ZNF782: variants seen among roughly 807,000 people sequenced by gnomAD.
The protein encoded by ZNF782 is zinc finger protein 782.
A neutral mutation model predicts 13.0 loss-of-function variants in ZNF782; 12 were observed. The observed-to-expected ratio is 0.92, with a 90% CI of 0.59 to 1.50. ZNF782 has a LOEUF of 1.50. Among genes scored for constraint, ZNF782 ranks in the 40% most tolerant of loss-of-function variants. The pLI is 0.00. For missense variants in ZNF782, 770 were observed against 822.9 expected, an observed-to-expected ratio of 0.94 and a Z score of 0.79; for synonymous variants, 284 against 283.0, an observed-to-expected ratio of 1.00 and a Z score of -0.04.
intron 4 of ZNF782, among the ~76,000 whole-genome samples, chr9:96,839,897 A>G (rs531075753): frequency 6.6e-6 from 1 of 152,300 alleles, no homozygotes; most frequent in East Asian, 1.9e-4. Flanking sequence ...GAAGTAACAC[A>G]CTTTTAGCCA....
intron 4 of ZNF782, 99 bp downstream of exon 4, chr9:96,844,791 G>T: frequency 6.5e-7 from 1 of 1,547,748 alleles, no homozygotes; most frequent in East Asian, 2.3e-5. Context: ...AACCAGAATT[G>T]CACTGTAGAG....
the ZNF782 span, chr9:96,910,072 C>T: frequency 1.7e-6 from 1 of 600,064 alleles, no homozygotes; most frequent in East Asian, 4.3e-5. Flanking sequence ...CGGCGTGCCC[C>T]ACCATGTCAG....
upstream of ZNF782, among the ~76,000 whole-genome samples, chr9:96,877,957 TAAAC>T (rs748917821): frequency 3.3e-5 from 5 of 149,790 alleles, no homozygotes; most frequent in Non-Finnish European, 5.9e-5. Context: ...AACAGTATAA[TAAAC>T]AGTCAACCCA....
chr9:96,857,620 C>G (rs1851659734), upstream of ZNF782, among the ~76,000 whole-genome samples: 1 of 152,190 alleles, frequency 6.6e-6, no homozygotes, highest in Non-Finnish European at 1.5e-5. Flanking sequence ...ATTTATCTTG[C>G]TGTGGAGCGA....
the ZNF782 span, among the ~76,000 whole-genome samples, chr9:96,927,229 G>C: frequency 6.6e-6 from 1 of 152,196 alleles, no homozygotes; most frequent in Non-Finnish European, 1.5e-5. Flanking sequence ...ACATGCGAGG[G>C]GATGCATGAG....
the ZNF782 span, among the ~76,000 whole-genome samples, chr9:96,899,230 G>T: frequency 6.6e-6 from 1 of 151,380 alleles, no homozygotes; most frequent in South Asian, 2.1e-4. Flanking sequence ...AAGCCTAGGT[G>T]ACAGAGTGAG....
At chr9:96,872,769 C>G (rs1461073492) in intron 1 of ZNF782, among the ~76,000 whole-genome samples, 1 of 152,180 alleles carries the variant, frequency 6.6e-6, no homozygotes, top group African/African-American at 2.4e-5. Context: ...AAATCACTCT[C>G]TGGCCACAAT....
intron 1 of ZNF782, among the ~76,000 whole-genome samples, chr9:96,869,193 T>C (rs1851795581): frequency 1.3e-5 from 2 of 152,100 alleles, no homozygotes; most frequent in South Asian, 4.1e-4. Context: ...CTTATTAACC[T>C]TTTTGGCATG....
At chr9:96,824,810 T>C (rs1850558793) in intron 5 of ZNF782, among the ~76,000 whole-genome samples, 1 of 149,144 alleles carries the variant, frequency 6.7e-6, no homozygotes, top group African/African-American at 2.5e-5. Context: ...TCACAACTGC[T>C]TCAAAGAGAA....
At chr9:96,830,281 TAAG>T (rs1330145806) in intron 4 of ZNF782, among the ~76,000 whole-genome samples, 1 of 152,134 alleles carries the variant, frequency 6.6e-6, no homozygotes, top group African/African-American at 2.4e-5. Context: ...CACCAGGCTG[TAAG>T]AAGGCTCCCT....
chr9:96,920,815 T>A, the ZNF782 span, among the ~76,000 whole-genome samples: 106 of 150,584 alleles, frequency 7.0e-4, 4 homozygotes, highest in Middle Eastern at 3.4e-3. Flanking sequence ...CTCAGGAGGC[T>A]GAGGGAGGAG....
chr9:96,870,689 A>G (rs1483618632), intron 1 of ZNF782, among the ~76,000 whole-genome samples: 3 of 152,230 alleles, frequency 2.0e-5, no homozygotes, highest in African/African-American at 7.2e-5. Flanking sequence ...TAGATTTTAA[A>G]GATAACTTTT....
chr9:96,890,262 G>C, the ZNF782 span: 1 of 152,446 alleles, frequency 6.6e-6, no homozygotes, highest in African/African-American at 2.4e-5. Context: ...AGCCAGGCCT[G>C]TGCCACCCAG....
At chr9:96,884,116 T>C in the ZNF782 span, among the ~76,000 whole-genome samples, 4 of 152,232 alleles carry the variant, frequency 2.6e-5, no homozygotes, top group African/African-American at 9.6e-5. Context: ...CTGGTGGTAT[T>C]GGCAGGGCCG....
At chr9:96,840,047 A>T (rs377479453) in intron 4 of ZNF782, among the ~76,000 whole-genome samples, 1 of 152,190 alleles carries the variant, frequency 6.6e-6, no homozygotes, top group South Asian at 2.1e-4. Context: ...CTGAGTAAAA[A>T]TTAATGCACC....
intron 4 of ZNF782, among the ~76,000 whole-genome samples, chr9:96,842,129 T>C (rs1188840544): frequency 6.6e-6 from 1 of 151,958 alleles, no homozygotes; most frequent in Non-Finnish European, 1.5e-5. Flanking sequence ...TACTGAGGTA[T>C]AAATATAACA....
intron 1 of ZNF782, among the ~76,000 whole-genome samples, chr9:96,868,377 A>C (rs965450828): frequency 2.0e-5 from 3 of 152,228 alleles, no homozygotes; most frequent in Non-Finnish European, 4.4e-5. Flanking sequence ...TCTTGGAGCA[A>C]ATATCACGTA....
chr9:96,823,722 T>A (rs929414424), intron 5 of ZNF782, among the ~76,000 whole-genome samples: 21 of 152,228 alleles, frequency 1.4e-4, no homozygotes, highest in African/African-American at 4.8e-4. Context: ...AAATTATTTT[T>A]AAAATATACC....
rs755700576 is a variant in ZNF782 at position 96,818,259 on chromosome 9, T to C, written c.1764A>G (p.Lys588=). 6.2e-7 allele frequency: 1 copy of C among 1,613,958 alleles called. No individual in the cohort carries two copies. Among genetic ancestry groups the C allele is most frequent in the Admixed American group, 1.7e-5 (1 of 60,004 alleles). ...TTCCACACTCCTCACATTGATAGGG[T>C]TTCTCCCCAGTATGAGTTCTGTGAT... ...RVHHRTHTGE[K]PYQCEECGKT... The change falls in exon 6 of 6, where the codon AAA becomes AAG. Residue 588 remains lysine, a synonymous_variant. Coordinates refer to ENST00000481138, the MANE Select transcript of ZNF782 (RefSeq NM_001001662.3).
Sources: gnomAD v4.1 joint callset for allele counts (sites outside exome capture counted in the v4.1 genomes callset) on GRCh38, gnomAD v4.1.1 for gene constraint, MANE v1.5 for transcripts, NCBI Gene and HGNC (gene_info 2026-07-23, HGNC 2026-07-21) for gene names.